The following GPR55 variants were observed in gnomAD, a reference collection of about 807,000 sequenced individuals.
GPR55 encodes G-protein coupled receptor 55.
Under a neutral mutation model 7.9 loss-of-function variants are expected in GPR55, and 6 were observed. The observed-to-expected ratio is 0.76, with a 90% CI of 0.41 to 1.49. The LOEUF (loss-of-function observed/expected upper bound fraction) is 1.49, where lower values mean the gene tolerates loss of function less well. Among genes scored for constraint, GPR55 ranks in the 40% most tolerant of loss-of-function variants. GPR55 has a pLI of 0.01. For synonymous variants in GPR55, 183 were observed against 166.8 expected (o/e 1.10, Z -0.75); for missense variants, 376 against 406.0 (o/e 0.93, Z 0.63).
At chr2:230,911,766 G>A (rs989752377) in intron 1 of GPR55, among the ~76,000 whole-genome samples, 9 of 152,118 alleles carry the variant, frequency 5.9e-5, no homozygotes, top group South Asian at 4.2e-4. Flanking sequence ...GGAATGGAGC[G>A]GGGCCCTGAG....
At chr2:230,958,400 T>C (rs563619123) in intron 1 of GPR55, among the ~76,000 whole-genome samples, 9 of 152,358 alleles carry the variant, frequency 5.9e-5, no homozygotes, top group Non-Finnish European at 1.3e-4. Context: ...AACATTCCAA[T>C]TATACTCTTT....
chr2:230,950,259 C>T (rs916691076), intron 1 of GPR55, among the ~76,000 whole-genome samples: 2 of 152,204 alleles, frequency 1.3e-5, no homozygotes, highest in African/African-American at 4.8e-5. Flanking sequence ...AACCACTGGC[C>T]TGCACATGAT....
intron 1 of GPR55, among the ~76,000 whole-genome samples, chr2:230,948,022 C>T (rs565711543): frequency 7.2e-5 from 11 of 152,272 alleles, no homozygotes; most frequent in South Asian, 4.1e-4. Flanking sequence ...AGTGCCCGCC[C>T]GGCTCCTTTG....
intron 1 of GPR55, among the ~76,000 whole-genome samples, chr2:230,943,021 A>G (rs1034529918): frequency 1.3e-5 from 2 of 149,098 alleles, no homozygotes; most frequent in African/African-American, 4.9e-5. Flanking sequence ...AGAAGAGAAG[A>G]GAAGAGGAGA....
chr2:230,944,631 A>G lies in GPR55; in HGVS notation c.-135+16144T>C, dbSNP rs1401264144. 1.3e-5 allele frequency among the ~76,000 whole-genome samples: 2 copies of G among 152,244 alleles called. No individual in the cohort carries two copies. ...CATGATTTGCTTTAACTGAAGGTGA[A>G]GAGAATCTTTCAGGAGTGGAGAGAA... On this transcript the variant is annotated intron_variant, in intron 1 of 1. Coordinates refer to the GPR55 transcript ENST00000392039. This position sits in a 1 kb window ranked among gnomAD's most constrained non-coding sequence, Gnocchi z 4.2.
rs368915307 is a variant in GPR55, at chr2:230,919,397, G to A, written c.-135+5771C>T. 3.6e-4 allele frequency among the ~76,000 whole-genome samples: 55 copies of A among 152,228 alleles called. 3 individuals carry two copies. Among genetic ancestry groups the A allele is most frequent in the Admixed American group, 2.0e-3 (31 of 15,294 alleles). On this transcript the variant is annotated intron_variant, in intron 1 of 1. Transcript: ENST00000650999. ...ACACAATCAATGTTAGACAAATGACGTTCTTTCTCTGAGAAGAGAATATTA... is the reference window on the plus strand; with the variant it reads ...ACACAATCAATGTTAGACAAATGACATTCTTTCTCTGAGAAGAGAATATTA...
chr2:230,949,153 T>TTTTG (rs200391901), intron 1 of GPR55, among the ~76,000 whole-genome samples: 13,636 of 151,412 alleles, frequency 0.09, 869 homozygotes, highest in East Asian at 0.2. Context: ...ATGGCTCTTT[T>TTTTG]TTTGTTTGTT....
At chr2:230,934,884 G>A (rs1346866969) in intron 1 of GPR55, among the ~76,000 whole-genome samples, 3 of 152,150 alleles carry the variant, frequency 2.0e-5, no homozygotes, top group South Asian at 4.1e-4. Flanking sequence ...CACCCACCAA[G>A]GAAGGGCATT....
intron 1 of GPR55, among the ~76,000 whole-genome samples, chr2:230,952,219 C>T (rs1275413236): frequency 2.6e-5 from 4 of 152,242 alleles, no homozygotes; most frequent in Non-Finnish European, 5.9e-5. Flanking sequence ...AGGGCGGGCG[C>T]AGCTTGTGTG....
At chr2:230,958,923 G>T (rs951346140) in intron 1 of GPR55, among the ~76,000 whole-genome samples, 1 of 152,112 alleles carries the variant, frequency 6.6e-6, no homozygotes, top group Non-Finnish European at 1.5e-5. Flanking sequence ...ATTCTTCCAT[G>T]AAGACAAGCT....
At chr2:230,921,584 G>T (rs1474630607) in intron 1 of GPR55, among the ~76,000 whole-genome samples, 1 of 152,208 alleles carries the variant, frequency 6.6e-6, no homozygotes, top group African/African-American at 2.4e-5. Context: ...GACGTACATT[G>T]CTGAAATATT....
At chr2:230,932,630 G>T (rs994438618) in intron 1 of GPR55, among the ~76,000 whole-genome samples, 5 of 152,182 alleles carry the variant, frequency 3.3e-5, no homozygotes, top group Non-Finnish European at 1.5e-5. Context: ...CTCCACGTGG[G>T]GCTCGAAACT....
At chr2:230,960,056 A>G (rs1260557208) in intron 1 of GPR55, among the ~76,000 whole-genome samples, 1 of 152,204 alleles carries the variant, frequency 6.6e-6, no homozygotes, top group Non-Finnish European at 1.5e-5. Context: ...GGTGCTGGCA[A>G]GAAGCAATTT....
intron 1 of GPR55, among the ~76,000 whole-genome samples, chr2:230,931,387 A>G (rs1295630471): frequency 6.6e-6 from 1 of 152,194 alleles, no homozygotes; most frequent in Non-Finnish European, 1.5e-5. Flanking sequence ...AAATTGAAGC[A>G]CAGAGGGCTG....
chr2:230,916,285 G>A (rs1472509590), intron 1 of GPR55, among the ~76,000 whole-genome samples: 1 of 152,114 alleles, frequency 6.6e-6, no homozygotes, highest in Non-Finnish European at 1.5e-5. Flanking sequence ...CTATTTGGCA[G>A]GCTGTGTGGG....
At chr2:230,938,539 A>C (rs1691169697) in intron 1 of GPR55, among the ~76,000 whole-genome samples, 1 of 152,134 alleles carries the variant, frequency 6.6e-6, no homozygotes, top group Non-Finnish European at 1.5e-5. Context: ...ATGTCTCTTC[A>C]CTTGAAGGAA....
intron 1 of GPR55, among the ~76,000 whole-genome samples, chr2:230,911,979 A>G (rs1004196308): frequency 2.0e-5 from 3 of 152,138 alleles, no homozygotes; most frequent in Non-Finnish European, 2.9e-5. Flanking sequence ...TGTTCAATCC[A>G]GGCATCCAGA....
chr2:230,957,877 A>T (rs1431656683), intron 1 of GPR55: 3 of 567,112 alleles, frequency 5.3e-6, no homozygotes, highest in Non-Finnish European at 1.0e-5. Flanking sequence ...CAGAGAAGGA[A>T]TTAAAAATAA....
upstream of GPR55, chr2:230,925,260 C>T (rs560004009): frequency 6.5e-6 from 1 of 152,804 alleles, no homozygotes; most frequent in African/African-American, 2.4e-5. Flanking sequence ...GTCACTTCCC[C>T]TCTCTGGGTC....
Sources: gnomAD v4.1 joint callset for allele counts (sites outside exome capture counted in the v4.1 genomes callset) on GRCh38, gnomAD v4.1.1 for gene constraint, Gnocchi (gnomAD v3.1) non-coding constraint, MANE v1.5 for transcripts, NCBI Gene and HGNC (gene_info 2026-07-23, HGNC 2026-07-21) for gene names.